The following CLEC2A variants were observed in gnomAD, a reference collection of about 807,000 sequenced individuals.
CLEC2A encodes the protein C-type lectin domain family 2 member A.
Under a neutral mutation model 18.6 loss-of-function variants are expected in CLEC2A, and 19 were observed. The observed-to-expected ratio is 1.02, with a 90% confidence interval of 0.71 to 1.50. CLEC2A has a LOEUF of 1.50. Among genes scored for constraint, CLEC2A ranks in the 40% most tolerant of loss-of-function variants. CLEC2A has a pLI of 0.00. For missense variants in CLEC2A, 190 were observed against 207.9 expected, an observed-to-expected ratio of 0.91 and a Z score of 0.53; for synonymous variants, 74 against 64.0, an observed-to-expected ratio of 1.16 and a Z score of -0.75.
downstream of CLEC2A, among the ~76,000 whole-genome samples, chr12:9,911,962 A>G (rs7953667): frequency 6.6e-6 from 1 of 152,196 alleles, no homozygotes; most frequent in Admixed American, 6.5e-5. Context: ...CAGACATGCA[A>G]AGCACACCAG....
At chr12:9,897,626 G>A (rs1237504098), downstream of CLEC2A, among the ~76,000 whole-genome samples, 2 of 150,194 alleles carry the variant, frequency 1.3e-5, no homozygotes, top group South Asian at 2.1e-4. Context: ...AATACCAGGC[G>A]ATCACACACA....
the CLEC2A span, among the ~76,000 whole-genome samples, chr12:9,885,230 C>A: frequency 6.6e-6 from 1 of 151,350 alleles, no homozygotes. Context: ...TATAAAGAAC[C>A]CCCAATAGAG....
At chr12:9,903,965 T>A (rs1216562694) in intron 4 of CLEC2A, among the ~76,000 whole-genome samples, 3 of 152,326 alleles carry the variant, frequency 2.0e-5, no homozygotes, top group South Asian at 4.1e-4. Context: ...GGATGGCCAG[T>A]TGGATCAGAG....
chr12:9,890,175 G>A, the CLEC2A span, among the ~76,000 whole-genome samples: 12 of 152,038 alleles, frequency 7.9e-5, no homozygotes, highest in Non-Finnish European at 1.5e-4. Context: ...TATAGCTAAA[G>A]GCTCGTTTTG....
the CLEC2A span, chr12:9,884,792 C>G: frequency 5.4e-6 from 2 of 369,514 alleles, no homozygotes; most frequent in Admixed American, 9.1e-5. Flanking sequence ...GGATTCTAGA[C>G]TTTTTATTTT....
intron 3 of CLEC2A, 106 bp downstream of exon 3, chr12:9,921,960 C>T (rs1591794284): frequency 2.0e-6 from 2 of 994,788 alleles, no homozygotes; most frequent in African/African-American, 1.7e-5. Context: ...AGTTCAAACC[C>T]ATGTTGTTCA....
the CLEC2A span, chr12:9,881,724 A>G: frequency 1.7e-5 from 20 of 1,184,542 alleles, no homozygotes; most frequent in South Asian, 2.5e-4. Context: ...TAGGAAGAGA[A>G]TTATCTTAGA....
the CLEC2A span, chr12:9,893,188 A>T: frequency 6.6e-7 from 1 of 1,524,122 alleles, no homozygotes. Flanking sequence ...CAAAAACAGG[A>T]TCTAACTGCA....
At chr12:9,879,101 C>T in the CLEC2A span, among the ~76,000 whole-genome samples, 30 of 151,782 alleles carry the variant, frequency 2.0e-4, no homozygotes, top group Non-Finnish European at 4.0e-4. Context: ...GAGTTTTCAT[C>T]CACAGAAATC....
At chr12:9,908,622 G>GC (rs1042218746), downstream of CLEC2A, among the ~76,000 whole-genome samples, 24 of 152,150 alleles carry the variant, frequency 1.6e-4, no homozygotes, top group Middle Eastern at 3.4e-3. Context: ...AGAGCCCCTG[G>GC]CCCCCCCTAT....
the CLEC2A span, among the ~76,000 whole-genome samples, chr12:9,891,024 T>C: frequency 8.9e-3 from 1,358 of 152,200 alleles, 16 homozygotes; most frequent in African/African-American, 0.031. Flanking sequence ...TCTTAATTTA[T>C]AGACACTTGT....
At chr12:9,926,143 G>C (rs1863267931) in intron 2 of CLEC2A, 117 bp downstream of exon 2, 9 of 568,338 alleles carry the variant, frequency 1.6e-5, no homozygotes, top group Middle Eastern at 2.7e-4. Context: ...TTGAGGACAA[G>C]TGTCTATAAA....
At chr12:9,882,023 T>C in the CLEC2A span, among the ~76,000 whole-genome samples, 1 of 151,990 alleles carries the variant, frequency 6.6e-6, no homozygotes, top group African/African-American at 2.4e-5. Flanking sequence ...TATATATATT[T>C]ATGCTTATAC....
downstream of CLEC2A, among the ~76,000 whole-genome samples, chr12:9,909,736 G>A (rs199747338): frequency 1.3e-4 from 20 of 152,280 alleles, no homozygotes; most frequent in East Asian, 2.9e-3. Context: ...TTTTAGAGAA[G>A]AGTATTTAGG....
intron 1 of CLEC2A, among the ~76,000 whole-genome samples, chr12:9,926,676 A>G (rs1196032208): frequency 6.6e-6 from 1 of 152,126 alleles, no homozygotes; most frequent in Non-Finnish European, 1.5e-5. Flanking sequence ...GATCATCAAA[A>G]GGTCCACGAT....
chr12:9,896,091 G>GTTA (rs1008747147), downstream of CLEC2A, among the ~76,000 whole-genome samples: 1 of 152,210 alleles, frequency 6.6e-6, no homozygotes, highest in Admixed American at 6.5e-5. Context: ...TATTTTAATA[G>GTTA]TTATTTAATA....
chr12:9,878,386 A>G, the CLEC2A span, among the ~76,000 whole-genome samples: 1 of 152,172 alleles, frequency 6.6e-6, no homozygotes, highest in Non-Finnish European at 1.5e-5. Context: ...GGGCAAAAGG[A>G]GACTAAATGC....
chr12:9,914,185 C>A (rs1314003416), intron 4 of CLEC2A, among the ~76,000 whole-genome samples: 1 of 152,172 alleles, frequency 6.6e-6, no homozygotes, highest in African/African-American at 2.4e-5. Context: ...ACCTAAGAGA[C>A]TGCATACTGC....
At chr12:9,913,856 C>G (rs1280854222) in intron 4 of CLEC2A, among the ~76,000 whole-genome samples, 176 bp from the exon 5 acceptor site, 6 of 152,148 alleles carry the variant, frequency 3.9e-5, no homozygotes, top group African/African-American at 1.4e-4. Context: ...AAAAATAAGA[C>G]TGAACATAAG....
Sources: gnomAD v4.1 joint callset for allele counts (sites outside exome capture counted in the v4.1 genomes callset) on GRCh38, gnomAD v4.1.1 for gene constraint, MANE v1.5 for transcripts, NCBI Gene and HGNC (gene_info 2026-07-23, HGNC 2026-07-21) for gene names.